LPIN2: variants seen among roughly 807,000 people sequenced by gnomAD.
LPIN2 encodes lipin 2.
Under a neutral mutation model 111.4 loss-of-function variants are expected in LPIN2, and 55 were observed. That is an observed-to-expected ratio of 0.49 (90% CI 0.40 to 0.62). LPIN2 has a LOEUF of 0.62. LPIN2 is among the 20% of genes least tolerant of loss of function. LPIN2 has a pLI of 0.00. For synonymous variants in LPIN2, 425 were observed against 414.0 expected, an observed-to-expected ratio of 1.03 and a Z score of -0.32; for missense variants, 992 against 1,112.1, an observed-to-expected ratio of 0.89 and a Z score of 1.54.
chr18:2,918,779 C>CTATT lies in LPIN2; in HGVS notation c.*1510_*1513dup, dbSNP rs1479779387. 1.3e-5 allele frequency: 2 copies of CTATT among 152,206 alleles called. No homozygotes were observed. The highest frequency in any genetic ancestry group is 3.8e-4 in the East Asian group (2 of 5,198). The allele number at this position is 152,206 out of a possible 1,614,324, so 9.4% of individuals were successfully genotyped here. On this transcript the variant is annotated 3_prime_UTR_variant, in exon 20 of 20. Transcript: ENST00000677752. ...CTCCAATCTGGAAAAATAACCACCC[C>CTATT]TATTTCTCTATCTCTAGATCAGCAT...
At position 2,920,799 on chromosome 18, in the gene LPIN2, C is replaced by T; in HGVS notation, c.2525G>A (p.Arg842Lys). 1 of 1,614,110 alleles carries T rather than the reference C, an allele frequency of 6.2e-7. No individual in the cohort carries two copies. Among genetic ancestry groups the T allele is most frequent in the African/African-American group, 1.3e-5 (1 of 75,054 alleles). ...TTACGATGACTTGTTTCCTTTGGTT[C>T]TTTCTTGTATTAATTCACCCTTGGG... ...VNPKGELIQERTKGNKSSYHR... is the reference protein window; with the variant it reads ...VNPKGELIQEKTKGNKSSYHR... The change falls in exon 19 of 20, where the codon AGA becomes AAA. Residue 842 changes from arginine (R) to lysine (K), a missense_variant. By Grantham distance (26) the Arg-to-Lys change is conservative. This residue lies in a region of LPIN2 where 185 missense variants were observed against 186.5 expected (regional missense o/e 0.99). Transcript: ENST00000677752.
chr18:2,957,457 C>G (rs1364332719), intron 2 of LPIN2, among the ~76,000 whole-genome samples: 1 of 152,142 alleles, frequency 6.6e-6, no homozygotes, highest in Non-Finnish European at 1.5e-5. Context: ...ATCCAAAATG[C>G]TCTGGTCCCA....
chr18:2,920,475 T>C, intron 19 of LPIN2, 38 bp from the exon 20 acceptor site: 4 of 1,611,964 alleles, frequency 2.5e-6, no homozygotes, highest in Non-Finnish European at 3.4e-6. Flanking sequence ...AGGCTATTAC[T>C]TCAAGATCGG....
chr18:3,006,802 A>ACG (rs1360569878), intron 1 of LPIN2, among the ~76,000 whole-genome samples: 9 of 150,334 alleles, frequency 6.0e-5, no homozygotes, highest in African/African-American at 2.2e-4. Flanking sequence ...GCGCCGCTGC[A>ACG]CTCCAGCCTG....
In LPIN2 at chr18:2,934,466, A is replaced by T. The variant is rs750892867; in HGVS notation, c.1169-16T>A. 1.3e-6 allele frequency: 2 copies of T among 1,519,930 alleles called. No homozygotes were observed. Among genetic ancestry groups the T allele is most frequent in the South Asian group, 1.1e-5 (1 of 88,800 alleles). The allele number at this position is 1,519,930 out of a possible 1,614,324, so 94.2% of individuals were successfully genotyped here. On this transcript the variant is annotated splice_polypyrimidine_tract_variant and intron_variant, in intron 7 of 19. Transcript: ENST00000677752. ...TTGTGAACACCTGTTTAAAAAAAAA[A>T]TCAGAGGTAAGAATTTAGTTATTCT...
intron 1 of LPIN2, among the ~76,000 whole-genome samples, chr18:2,976,749 TTC>T (rs2078024227): frequency 6.6e-6 from 1 of 152,222 alleles, no homozygotes; most frequent in Non-Finnish European, 1.5e-5. Flanking sequence ...GACATAAAAA[TTC>T]TTTTTAGTAT....
chr18:2,990,944 T>A, intron 1 of LPIN2: 1 of 562,392 alleles, frequency 1.8e-6, no homozygotes, highest in Non-Finnish European at 3.5e-6. Flanking sequence ...CCTGGGATGA[T>A]GCCAGTGGGA....
At chr18:2,969,224 T>A (rs898063264) in intron 1 of LPIN2, among the ~76,000 whole-genome samples, 5 of 152,240 alleles carry the variant, frequency 3.3e-5, no homozygotes, top group African/African-American at 1.2e-4. Flanking sequence ...CATGTAAAAG[T>A]AAGAGCTCTT....
chr18:2,923,326 A>G (rs1555672462), intron 16 of LPIN2, among the ~76,000 whole-genome samples: 1 of 147,318 alleles, frequency 6.8e-6, no homozygotes, highest in Non-Finnish European at 1.5e-5. Flanking sequence ...AGACTGAGGC[A>G]GAAGAATCAC....
At chr18:2,958,643 G>C (rs954919613) in intron 2 of LPIN2, among the ~76,000 whole-genome samples, 1 of 152,140 alleles carries the variant, frequency 6.6e-6, no homozygotes, top group South Asian at 2.1e-4. Context: ...TTGGGTTTCT[G>C]AGATACTAAG....
intron 10 of LPIN2, 71 bp from the exon 11 acceptor site, chr18:2,928,731 G>A: frequency 1.8e-6 from 2 of 1,084,830 alleles, no homozygotes; most frequent in East Asian, 2.4e-5. Context: ...AGGGAATCAG[G>A]GAGGGAGGGA....
At chr18:2,942,847 G>C (rs895338521) in intron 4 of LPIN2, among the ~76,000 whole-genome samples, 1 of 152,214 alleles carries the variant, frequency 6.6e-6, no homozygotes, top group African/African-American at 2.4e-5. Flanking sequence ...AACTAAGCAC[G>C]TGACGTGAGG....
At chr18:2,982,905 T>TAA (rs879175124) in intron 1 of LPIN2, 75 of 299,870 alleles carry the variant, frequency 2.5e-4, no homozygotes, top group Middle Eastern at 1.3e-3. Flanking sequence ...AAATGGTTCT[T>TAA]AAAAAAAAAA....
chr18:2,962,284 G>A (rs1050185352), intron 1 of LPIN2, among the ~76,000 whole-genome samples: 3 of 152,082 alleles, frequency 2.0e-5, no homozygotes, highest in African/African-American at 7.2e-5. Flanking sequence ...TGTTACCAAG[G>A]CCCTTAAATG....
intron 1 of LPIN2, among the ~76,000 whole-genome samples, chr18:3,009,704 G>A (rs1326941547): frequency 6.6e-6 from 1 of 152,108 alleles, no homozygotes; most frequent in Non-Finnish European, 1.5e-5. Flanking sequence ...GCCTCCCAAA[G>A]TGCTGGGATT....
At chr18:2,948,222 A>G (rs887075417) in intron 4 of LPIN2, 4 of 152,184 alleles carry the variant, frequency 2.6e-5, no homozygotes, top group East Asian at 1.9e-4. Flanking sequence ...AGAAAAAGCA[A>G]AACACCAACC....
intron 1 of LPIN2, among the ~76,000 whole-genome samples, chr18:2,961,797 GA>G (rs2143211264): frequency 6.6e-6 from 1 of 152,186 alleles, no homozygotes; most frequent in South Asian, 2.1e-4. Flanking sequence ...ACAATTCAGT[GA>G]AAGCCATTCT....
At chr18:3,006,129 T>A (rs1028312313) in intron 1 of LPIN2, among the ~76,000 whole-genome samples, 4 of 152,166 alleles carry the variant, frequency 2.6e-5, no homozygotes, top group Non-Finnish European at 5.9e-5. Context: ...ATACTTTACG[T>A]AAAAAACTTA....
intron 1 of LPIN2, among the ~76,000 whole-genome samples, chr18:3,008,135 T>C (rs1176282057): frequency 6.6e-6 from 1 of 152,246 alleles, no homozygotes; most frequent in Non-Finnish European, 1.5e-5. Context: ...GACCATCTTA[T>C]TTTAAATTTA....
Sources: allele counts gnomAD v4.1 joint callset (sites outside exome capture counted in the v4.1 genomes callset), GRCh38; gene constraint gnomAD v4.1.1; regional missense constraint gnomAD v4.1.1; transcripts MANE v1.5; gene names NCBI Gene and HGNC (gene_info 2026-07-23, HGNC 2026-07-21).